The following DIS3L2 variants were observed in gnomAD, a reference collection of about 807,000 sequenced individuals.
DIS3L2 encodes DIS3 like 3'-5' exoribonuclease 2.
In DIS3L2, 34 loss-of-function variants were observed where a neutral mutation model predicts 97.5. That is an observed-to-expected ratio of 0.35 (90% CI 0.27 to 0.46). DIS3L2 has a LOEUF of 0.46. Among genes scored for constraint, DIS3L2 ranks in the 20% least tolerant of loss-of-function variants. DIS3L2 has a pLI of 1.00. For missense variants in DIS3L2, 1,038 were observed against 1,146.0 expected (o/e 0.91, Z 1.36); for synonymous variants, 435 against 445.2 (o/e 0.98, Z 0.29).
At chr2:232,193,320 C>T (rs1446348039) in intron 9 of DIS3L2, among the ~76,000 whole-genome samples, 2 of 152,172 alleles carry the variant, frequency 1.3e-5, no homozygotes, top group East Asian at 3.8e-4. Context: ...CAAATTCTGC[C>T]ACTTACTAGG....
intron 10 of DIS3L2, among the ~76,000 whole-genome samples, chr2:232,235,318 A>G (rs1444844677): frequency 2.6e-5 from 4 of 152,252 alleles, no homozygotes; most frequent in Admixed American, 6.5e-5. Flanking sequence ...AGCATATGCC[A>G]TGTGACTTTT....
At chr2:232,097,729 T>G (rs553240402) in intron 6 of DIS3L2, among the ~76,000 whole-genome samples, 2 of 152,260 alleles carry the variant, frequency 1.3e-5, no homozygotes, top group Admixed American at 1.3e-4. Flanking sequence ...AGAGCCCACT[T>G]GGTACCCTTC....
intron 1 of DIS3L2, among the ~76,000 whole-genome samples, chr2:232,000,671 T>TTTC: frequency 1.5e-5 from 2 of 137,176 alleles, no homozygotes; most frequent in East Asian, 2.1e-4. Context: ...TCTCTTTCTC[T>TTTC]CTTTCTCTCT....
chr2:232,297,701 C>CTT (rs11309721), intron 13 of DIS3L2, among the ~76,000 whole-genome samples: 1 of 106,126 alleles, frequency 9.4e-6, no homozygotes, highest in Non-Finnish European at 1.9e-5. Context: ...CCTTCCAAGT[C>CTT]TTTTTTTTTT....
At chr2:232,001,537 CTTA>C (rs1693902779) in intron 1 of DIS3L2, among the ~76,000 whole-genome samples, 1 of 119,662 alleles carries the variant, frequency 8.4e-6, no homozygotes, top group Non-Finnish European at 1.7e-5. Context: ...GTCTTCTTAG[CTTA>C]GTGGAATGCC....
At chr2:232,203,455 A>G (rs1225545129) in intron 9 of DIS3L2, among the ~76,000 whole-genome samples, 2 of 152,258 alleles carry the variant, frequency 1.3e-5, no homozygotes, top group African/African-American at 4.8e-5. Context: ...ATTGAATGCC[A>G]GGAAGTCATG....
At chr2:232,329,788 C>CGGGGGGGGG in intron 14 of DIS3L2, 25 bp from the exon 15 acceptor site, 75 of 1,080,580 alleles carry the variant, frequency 6.9e-5, no homozygotes, top group Middle Eastern at 6.4e-4. Context: ...CCAGCGGTCC[C>CGGGGGGGGG]TCCCATCCCA....
chr2:232,044,440 A>G (rs1695185133), intron 5 of DIS3L2, among the ~76,000 whole-genome samples: 2 of 152,176 alleles, frequency 1.3e-5, no homozygotes, highest in East Asian at 1.9e-4. Context: ...TGACTCCTAC[A>G]TGTTAGGCTC....
intron 10 of DIS3L2, among the ~76,000 whole-genome samples, chr2:232,226,318 A>G (rs1000552061): frequency 1.3e-5 from 2 of 152,212 alleles, no homozygotes; most frequent in Admixed American, 6.5e-5. Flanking sequence ...AGGTGAGCAC[A>G]TTGTTACTGG....
intron 1 of DIS3L2, among the ~76,000 whole-genome samples, chr2:231,994,657 A>G (rs1200082625): frequency 6.6e-6 from 1 of 152,190 alleles, no homozygotes; most frequent in Admixed American, 6.5e-5. Flanking sequence ...AAAACTCAAG[A>G]GGAGAAAGTC....
At chr2:232,305,180 AT>A (rs1309490430) in intron 14 of DIS3L2, among the ~76,000 whole-genome samples, 3 of 152,138 alleles carry the variant, frequency 2.0e-5, no homozygotes, top group African/African-American at 7.2e-5. Flanking sequence ...GGTTCAAGTG[AT>A]TCTCTTGCCT....
intron 6 of DIS3L2, among the ~76,000 whole-genome samples, chr2:232,127,579 T>C (rs1698098098): frequency 6.6e-6 from 1 of 152,248 alleles, no homozygotes; most frequent in South Asian, 2.1e-4. Context: ...CCCTGGGCAA[T>C]GTTGCTGTCT....
chr2:232,248,713 CTGTTT>C (rs1414443730), intron 11 of DIS3L2, among the ~76,000 whole-genome samples: 1 of 152,142 alleles, frequency 6.6e-6, no homozygotes, highest in Non-Finnish European at 1.5e-5. Context: ...ATGATCCTTT[CTGTTT>C]TATCACTCTA....
chr2:232,191,284 G>A (rs1691611973), intron 9 of DIS3L2, among the ~76,000 whole-genome samples: 1 of 152,142 alleles, frequency 6.6e-6, no homozygotes, highest in Admixed American at 6.5e-5. Flanking sequence ...CTCCTTTTTG[G>A]AAATTGCCTT....
chr2:232,045,519 A>C (rs1695215012), intron 5 of DIS3L2, among the ~76,000 whole-genome samples: 1 of 152,184 alleles, frequency 6.6e-6, no homozygotes. Flanking sequence ...TGAAGGCTGC[A>C]TTCTCCAGAG....
intron 7 of DIS3L2, among the ~76,000 whole-genome samples, chr2:232,132,279 C>G (rs1218771712): frequency 6.6e-6 from 1 of 152,186 alleles, no homozygotes; most frequent in Non-Finnish European, 1.5e-5. Context: ...ATTTCCATGA[C>G]AATTAACATT....
At chr2:232,333,756 G>GAT in intron 16 of DIS3L2, 84 bp from the exon 17 acceptor site, 46 of 1,487,174 alleles carry the variant, frequency 3.1e-5, no homozygotes, top group South Asian at 8.2e-5. Flanking sequence ...CGCTGCCGAC[G>GAT]GTGAGGCTGT....
rs956940297 is a variant in DIS3L2 at position 232,325,995 on chromosome 2, C to A, written c.1740-3818C>A. Among the ~76,000 whole-genome samples, 1 of 150,308 alleles carries A rather than the reference C, an allele frequency of 6.7e-6. No homozygotes were observed. The highest frequency in any genetic ancestry group is 1.9e-4 in the East Asian group (1 of 5,162). On this transcript the variant is annotated intron_variant, in intron 14 of 20. Coordinates refer to ENST00000325385, the MANE Select transcript of DIS3L2 (RefSeq NM_152383.5). The surrounding 1 kb of genome is among the most constrained non-coding windows in gnomAD (Gnocchi z 4.6). ...CAGAGTGTGGAGCGGCTCAACCTGA[C>A]CACCCAGGATAGCTTGGGGGCGTTT...
At chr2:232,315,564 T>G (rs1240650073) in intron 14 of DIS3L2, among the ~76,000 whole-genome samples, 1 of 152,046 alleles carries the variant, frequency 6.6e-6, no homozygotes, top group African/African-American at 2.4e-5. Flanking sequence ...GCTTTGTGGC[T>G]TTTTCTTGGT....
Sources: gnomAD v4.1 joint callset for allele counts (sites outside exome capture counted in the v4.1 genomes callset) on GRCh38, gnomAD v4.1.1 for gene constraint, Gnocchi (gnomAD v3.1) non-coding constraint, MANE v1.5 for transcripts, NCBI Gene and HGNC (gene_info 2026-07-23, HGNC 2026-07-21) for gene names.